FOXK1: variants seen among roughly 807,000 people sequenced by gnomAD.
The protein encoded by FOXK1 is forkhead box K1.
In FOXK1, 19 loss-of-function variants were observed where a neutral mutation model predicts 51.9. The ratio of observed to expected loss-of-function variants is 0.37; its 90% CI spans 0.26 to 0.54. FOXK1 has a LOEUF of 0.54. Ranked by LOEUF, FOXK1 falls within the 20% of genes least tolerant of loss-of-function variation. The pLI, the probability that FOXK1 is intolerant of heterozygous loss-of-function variation, is 0.87. For missense variants in FOXK1, 870 were observed against 1,032.7 expected (o/e 0.84, Z 2.16); for synonymous variants, 537 against 482.6 (o/e 1.11, Z -1.48).
chr7:4,718,671 C>T (rs1780269043), intron 1 of FOXK1, among the ~76,000 whole-genome samples: 1 of 152,170 alleles, frequency 6.6e-6, no homozygotes, highest in Non-Finnish European at 1.5e-5. Context: ...AAGCAACTGC[C>T]GACCTCGCTT....
chr7:4,762,817 G>A lies in FOXK1; in HGVS notation c.*353G>A, dbSNP rs1015314151. Reference sequence around the variant, plus strand: ...TGTGTCAAGACAGCCCCTCCGCTCCGCGCTGCACGGCCAGCCGCCTTTGTC... The same window carrying A: ...TGTGTCAAGACAGCCCCTCCGCTCCACGCTGCACGGCCAGCCGCCTTTGTC... On this transcript the variant is annotated 3_prime_UTR_variant, in exon 9 of 9. Transcript: ENST00000328914. The surrounding 1 kb of genome is among the most constrained non-coding windows in gnomAD (Gnocchi z 5.7). 4.7e-5 allele frequency: 11 copies of A among 234,110 alleles called. No homozygotes were observed. The highest frequency in any genetic ancestry group is 7.3e-5 in the South Asian group (1 of 13,664). The allele number at this position is 234,110 out of a possible 1,614,324, so 14.5% of individuals were successfully genotyped here.
At chr7:4,718,477 CTGTT>C (rs1009874209) in intron 1 of FOXK1, among the ~76,000 whole-genome samples, 1 of 152,178 alleles carries the variant, frequency 6.6e-6, no homozygotes, top group African/African-American at 2.4e-5. Flanking sequence ...GGAGGTTCCC[CTGTT>C]TGTTTGACCC....
chr7:4,715,537 G>A lies in FOXK1; in HGVS notation c.561-25301G>A, dbSNP rs974767572. ...CTGAGAAGCTCTTCATCTATCAGCA[G>A]TCAGCTTTCCACTTAAGCAGAGCCA... is the stretch of plus-strand genomic sequence containing the variant. On this transcript the variant is annotated intron_variant, in intron 1 of 8. Transcript: ENST00000328914. The surrounding 1 kb of genome is among the most constrained non-coding windows in gnomAD (Gnocchi z 4.5). Among the ~76,000 whole-genome samples, 4 of 152,212 alleles carry A rather than the reference G, an allele frequency of 2.6e-5. No homozygotes were observed. Among genetic ancestry groups the A allele is most frequent in the African/African-American group, 9.6e-5 (4 of 41,452 alleles).
intron 1 of FOXK1, among the ~76,000 whole-genome samples, chr7:4,687,126 G>T (rs914597414): frequency 1.3e-5 from 2 of 151,906 alleles, no homozygotes; most frequent in African/African-American, 4.8e-5. Context: ...TAGAGACGGG[G>T]TTTCACCGTG....
chr7:4,704,341 C>T (rs953759928), intron 1 of FOXK1, among the ~76,000 whole-genome samples: 2 of 150,744 alleles, frequency 1.3e-5, no homozygotes, highest in African/African-American at 4.9e-5. Flanking sequence ...ATCCCAGCTA[C>T]TCGGGTGGCT....
intron 1 of FOXK1, among the ~76,000 whole-genome samples, chr7:4,720,766 C>T (rs1367255456): frequency 6.6e-6 from 1 of 151,128 alleles, no homozygotes; most frequent in Non-Finnish European, 1.5e-5. Context: ...ATGGCGCGAT[C>T]TCGGTGCAGT....
In FOXK1 at chr7:4,722,266, TTCCCGA is replaced by T. The variant is rs1377172770; in HGVS notation, c.561-18571_561-18566del. On this transcript the variant is annotated intron_variant, in intron 1 of 8. Transcript: ENST00000328914. This position sits in a 1 kb window ranked among gnomAD's most constrained non-coding sequence, Gnocchi z 5.1. ...CAAGCTGGCTTTGCATTCTCTGCCTTTCCCGAGCGTCCCTGCCTCAGATTCCAAAAT... is the reference window on the plus strand; with the variant it reads ...CAAGCTGGCTTTGCATTCTCTGCCTTGCGTCCCTGCCTCAGATTCCAAAAT... 6.6e-6 allele frequency among the ~76,000 whole-genome samples: 1 copy of T among 152,190 alleles called. No homozygotes were observed. Among genetic ancestry groups the T allele is most frequent in the Non-Finnish European group, 1.5e-5 (1 of 68,024 alleles).
At chr7:4,691,719 G>A (rs965541644) in intron 1 of FOXK1, among the ~76,000 whole-genome samples, 2 of 152,174 alleles carry the variant, frequency 1.3e-5, no homozygotes, top group African/African-American at 4.8e-5. Context: ...GGGGTGAACT[G>A]TCTTCCATCT....
intron 5 of FOXK1, among the ~76,000 whole-genome samples, chr7:4,757,699 T>C (rs1780874772): frequency 6.8e-6 from 1 of 146,124 alleles, no homozygotes; most frequent in Non-Finnish European, 1.5e-5. Context: ...CTACAACAGC[T>C]GTTTACATAG....
intron 2 of FOXK1, among the ~76,000 whole-genome samples, chr7:4,741,553 ACTCC>A: frequency 6.6e-6 from 1 of 151,984 alleles, no homozygotes; most frequent in African/African-American, 2.4e-5. Context: ...CTGGTCTCGA[ACTCC>A]CAACCTCAAA....
At chr7:4,726,014 A>AT (rs1780376487) in intron 1 of FOXK1, among the ~76,000 whole-genome samples, 1 of 116,070 alleles carries the variant, frequency 8.6e-6, no homozygotes, top group African/African-American at 3.0e-5. Context: ...AACAAACAGA[A>AT]CTTTTTTTTT....
chr7:4,714,393 C>G (rs1328906933), intron 1 of FOXK1, among the ~76,000 whole-genome samples: 1 of 152,186 alleles, frequency 6.6e-6, no homozygotes, highest in Admixed American at 6.5e-5. Flanking sequence ...ATTCTCTTGC[C>G]TCAGCCTCCC....
At position 4,758,871 on chromosome 7, in the gene FOXK1, T is replaced by G; in HGVS notation, c.1245-180T>G. The G allele has an allele frequency of 1.6e-6, 1 of 629,890 alleles. No individual in the cohort carries two copies. Among genetic ancestry groups the G allele is most frequent in the Non-Finnish European group, 2.7e-6 (1 of 370,002 alleles). 39.0% of individuals were successfully genotyped at this position (629,890 alleles called of 1,614,324 possible). ...CTCCCCCATGCAGCCCCCACTCAAA[T>G]GGAGTTTTAAAGGCTGGGTTCAGGT... is the stretch of plus-strand genomic sequence containing the variant. On this transcript the variant is annotated intron_variant, in intron 5 of 8. Coordinates refer to ENST00000328914, the MANE Select transcript of FOXK1 (RefSeq NM_001037165.2). This position sits in a 1 kb window ranked among gnomAD's most constrained non-coding sequence, Gnocchi z 4.4.
intron 1 of FOXK1, among the ~76,000 whole-genome samples, chr7:4,717,993 C>T (rs1261492723): frequency 6.6e-6 from 1 of 152,008 alleles, no homozygotes; most frequent in Non-Finnish European, 1.5e-5. Context: ...GTTTTTTACT[C>T]CCCCTGTGTG....
intron 1 of FOXK1, among the ~76,000 whole-genome samples, chr7:4,704,361 G>A (rs1350069672): frequency 6.8e-6 from 1 of 147,522 alleles, no homozygotes; most frequent in African/African-American, 2.5e-5. Flanking sequence ...TGAGGCAGGA[G>A]AATCACTTGA....
At chr7:4,737,789 G>A (rs1780575203) in intron 1 of FOXK1, among the ~76,000 whole-genome samples, 1 of 152,160 alleles carries the variant, frequency 6.6e-6, no homozygotes, top group South Asian at 2.1e-4. Flanking sequence ...CAGCCCCCAG[G>A]ACTGAAGAGC....
chr7:4,759,077 C>G lies in FOXK1; in HGVS notation c.1271C>G (p.Pro424Arg), dbSNP rs755881619. ...SRSAPASPTH[P>R]GLMSPRSGGL... ...AGCGCTCCAGCTTCGCCCACACACC[C>G]CGGGCTGATGTCCCCTCGCTCCGGC... Residue 424 changes from proline to arginine, a missense_variant, in exon 6 of 9, where the codon CCC becomes CGC. By Grantham distance (103) the Pro-to-Arg change is moderately radical (BLOSUM62 -2). Coordinates refer to ENST00000328914, the MANE Select transcript of FOXK1 (RefSeq NM_001037165.2). 3.1e-6 allele frequency: 5 copies of G among 1,607,474 alleles called. No individual in the cohort carries two copies. The highest frequency in any genetic ancestry group is 3.3e-5 in the Admixed American group (2 of 59,746).
At chr7:4,741,108 C>A in intron 2 of FOXK1, 85 bp downstream of exon 2, 1 of 990,784 alleles carries the variant, frequency 1.0e-6, no homozygotes, top group Non-Finnish European at 1.4e-6. Flanking sequence ...CACCGGGTTC[C>A]AAATCTCTCT....
chr7:4,734,970 T>C lies in FOXK1; in HGVS notation c.561-5868T>C, dbSNP rs1338492837. ...TTCCTTCCCTCTCTGATTATTTCTC[T>C]GAGTCTGAAATGATGACAATTGTAT... On this transcript the variant is annotated intron_variant, in intron 1 of 8. Transcript: ENST00000328914. The surrounding 1 kb of genome is among the most constrained non-coding windows in gnomAD (Gnocchi z 5.2). Among the ~76,000 whole-genome samples, 1 of 152,214 alleles carries C rather than the reference T, an allele frequency of 6.6e-6. No homozygotes were observed. Among genetic ancestry groups the C allele is most frequent in the Admixed American group, 6.5e-5 (1 of 15,278 alleles).
Sources: allele counts gnomAD v4.1 joint callset (sites outside exome capture counted in the v4.1 genomes callset), GRCh38; gene constraint gnomAD v4.1.1; non-coding constraint Gnocchi (gnomAD v3.1); transcripts MANE v1.5; gene names NCBI Gene and HGNC (gene_info 2026-07-23, HGNC 2026-07-21).